The following GALNTL6 variants were observed in gnomAD, a reference collection of about 807,000 sequenced individuals.
GALNTL6 encodes the protein polypeptide N-acetylgalactosaminyltransferase like 6.
In GALNTL6, 46 loss-of-function variants were observed where a neutral mutation model predicts 73.7. The ratio of observed to expected loss-of-function variants is 0.62; its 90% CI spans 0.49 to 0.80. The LOEUF (loss-of-function observed/expected upper bound fraction) is 0.80, where lower values mean the gene tolerates loss of function less well. GALNTL6 is among the 30% of genes least tolerant of loss of function. The probability of loss-of-function intolerance (pLI) is 0.00; values close to 1 mark genes in which losing one functional copy is unlikely to be tolerated. For synonymous variants in GALNTL6, 259 were observed against 263.7 expected (o/e 0.98, Z 0.17); for missense variants, 604 against 755.0 (o/e 0.80, Z 2.34).
chr4:171,869,781 T>C (rs2110892611), intron 2 of GALNTL6, among the ~76,000 whole-genome samples: 1 of 152,260 alleles, frequency 6.6e-6, no homozygotes, highest in South Asian at 2.1e-4. Context: ...GTTCTCGTGG[T>C]AGTGAATAAG....
At chr4:171,881,606 T>G (rs892017228) in intron 2 of GALNTL6, among the ~76,000 whole-genome samples, 1 of 152,212 alleles carries the variant, frequency 6.6e-6, no homozygotes, top group East Asian at 1.9e-4. Context: ...ACTTTGTATC[T>G]TTCAATCCAA....
Position 172,227,812 on chromosome 4 carries a change from G to A in GALNTL6, c.139-1844G>A, listed in dbSNP as rs1201056960. ...TTATATTACTACTTATTAAGAATTC[G>A]CTATATTACATATATCAAAATAAGG... On this transcript the variant is annotated intron_variant, in intron 2 of 12. Transcript: ENST00000506823. 1.1e-4 allele frequency among the ~76,000 whole-genome samples: 16 copies of A among 152,122 alleles called. No homozygotes were observed. In the East Asian group the frequency reaches 2.7e-3, roughly 26 times the overall value.
chr4:171,988,114 A>G lies in GALNTL6; in HGVS notation c.138+173396A>G, dbSNP rs529328389. ...TAAAACTATTAAAGCAGCAGCAGCC[A>G]CTGCACGCAGACATGAGGGCTAGGC... On this transcript the variant is annotated intron_variant, in intron 2 of 12. Transcript: ENST00000506823. Among the ~76,000 whole-genome samples, 517 of 152,310 alleles carry G rather than the reference A, an allele frequency of 3.4e-3. 2 individuals are homozygous for G. Among genetic ancestry groups the G allele is most frequent in the African/African-American group, 0.012 (484 of 41,578 alleles).
intron 2 of GALNTL6, among the ~76,000 whole-genome samples, chr4:172,157,282 T>C (rs1056114556): frequency 2.0e-5 from 3 of 152,286 alleles, no homozygotes; most frequent in African/African-American, 7.2e-5. Context: ...GAAGGAGCAA[T>C]GCAGCCTACA....
intron 10 of GALNTL6, among the ~76,000 whole-genome samples, chr4:172,996,698 G>A (rs1411319008): frequency 6.6e-6 from 1 of 152,140 alleles, no homozygotes; most frequent in Non-Finnish European, 1.5e-5. Flanking sequence ...TGATATGAGA[G>A]GGCAGGAATA....
intron 5 of GALNTL6, among the ~76,000 whole-genome samples, chr4:172,586,553 G>A (rs371748154): frequency 5.9e-5 from 9 of 152,078 alleles, no homozygotes; most frequent in African/African-American, 1.9e-4. Context: ...TATCCCGGGC[G>A]GTGGGGAGTG....
intron 8 of GALNTL6, among the ~76,000 whole-genome samples, chr4:172,885,660 T>A (rs1321588691): frequency 6.6e-6 from 1 of 152,224 alleles, no homozygotes; most frequent in Non-Finnish European, 1.5e-5. Flanking sequence ...GGCTTTCAAT[T>A]TTCCCCCTTT....
intron 5 of GALNTL6, among the ~76,000 whole-genome samples, chr4:172,540,335 C>G (rs572406025): frequency 6.6e-6 from 1 of 152,024 alleles, no homozygotes; most frequent in Non-Finnish European, 1.5e-5. Flanking sequence ...CCACTGCACC[C>G]GGCCTGGAGC....
chr4:172,109,297 T>C (rs1732784774), intron 2 of GALNTL6, among the ~76,000 whole-genome samples: 1 of 152,116 alleles, frequency 6.6e-6, no homozygotes, highest in Admixed American at 6.6e-5. Context: ...CTCAGTCAAA[T>C]GTAGCAAGTA....
At chr4:172,774,328 G>T (rs1579463941) in intron 5 of GALNTL6, among the ~76,000 whole-genome samples, 1 of 152,138 alleles carries the variant, frequency 6.6e-6, no homozygotes, top group East Asian at 1.9e-4. Flanking sequence ...TGCCTTCCAG[G>T]AGCCACTTAA....
intron 2 of GALNTL6, among the ~76,000 whole-genome samples, chr4:172,200,553 G>A (rs1044987309): frequency 1.3e-5 from 2 of 152,156 alleles, no homozygotes; most frequent in African/African-American, 4.8e-5. Context: ...ATAACCAAAT[G>A]CCATTTGAAA....
chr4:172,487,782 C>G (rs1343274125), intron 5 of GALNTL6, among the ~76,000 whole-genome samples: 1 of 152,102 alleles, frequency 6.6e-6, no homozygotes, highest in Non-Finnish European at 1.5e-5. Flanking sequence ...TAAATTGAAA[C>G]AGAGAACCTA....
chr4:172,705,294 G>T (rs1579366565), intron 5 of GALNTL6, among the ~76,000 whole-genome samples: 1 of 146,998 alleles, frequency 6.8e-6, no homozygotes. Flanking sequence ...TATTTTTTCT[G>T]GTAGTATATT....
intron 2 of GALNTL6, among the ~76,000 whole-genome samples, chr4:171,905,794 T>A (rs985463365): frequency 4.6e-5 from 7 of 151,496 alleles, no homozygotes; most frequent in Non-Finnish European, 8.8e-5. Context: ...ACACACTATC[T>A]CTCAGACCAC....
chr4:172,709,742 A>T (rs1458058478), intron 5 of GALNTL6, among the ~76,000 whole-genome samples: 1 of 152,222 alleles, frequency 6.6e-6, no homozygotes. Context: ...TAGCAAAATA[A>T]AATCAGGATG....
intron 7 of GALNTL6, among the ~76,000 whole-genome samples, chr4:172,852,803 G>A (rs549025021): frequency 3.6e-4 from 55 of 152,082 alleles, no homozygotes; most frequent in Non-Finnish European, 7.4e-4. Flanking sequence ...AAAGAAACCG[G>A]ATCAAAAAAA....
At chr4:172,381,283 A>G (rs1280206737) in intron 5 of GALNTL6, among the ~76,000 whole-genome samples, 1 of 152,216 alleles carries the variant, frequency 6.6e-6, no homozygotes, top group Non-Finnish European at 1.5e-5. Context: ...TAATTCACCT[A>G]GCATGAAATT....
intron 10 of GALNTL6, among the ~76,000 whole-genome samples, chr4:172,991,583 T>G (rs1036217998): frequency 6.6e-5 from 10 of 152,040 alleles, no homozygotes; most frequent in African/African-American, 2.4e-4. Context: ...TGTTGTTTTT[T>G]TTTTAGTAGA....
intron 2 of GALNTL6, among the ~76,000 whole-genome samples, chr4:171,904,744 G>A (rs1351517218): frequency 2.0e-5 from 3 of 152,148 alleles, no homozygotes; most frequent in African/African-American, 7.2e-5. Context: ...CAGCCAGAGA[G>A]AAAGGTCGGG....
Sources: allele counts gnomAD v4.1 joint callset (sites outside exome capture counted in the v4.1 genomes callset), GRCh38; gene constraint gnomAD v4.1.1; transcripts MANE v1.5; gene names NCBI Gene and HGNC (gene_info 2026-07-23, HGNC 2026-07-21).